SUSD4: variants seen among roughly 807,000 people sequenced by gnomAD.
SUSD4 encodes the protein sushi domain-containing protein 4.
A neutral mutation model predicts 50.5 loss-of-function variants in SUSD4; 41 were observed. The observed-to-expected ratio is 0.81, with a 90% CI of 0.63 to 1.05. The LOEUF (loss-of-function observed/expected upper bound fraction) is 1.05. Among genes scored for constraint, SUSD4 ranks in the 50% least tolerant of loss-of-function variants. SUSD4 has a pLI of 0.00. For missense variants in SUSD4, 580 were observed against 634.7 expected (o/e 0.91, Z 0.93); for synonymous variants, 257 against 257.3 (o/e 1.00, Z 0.01).
intron 2 of SUSD4, among the ~76,000 whole-genome samples, chr1:223,337,380 T>C (rs1296535238): frequency 6.6e-6 from 1 of 152,252 alleles, no homozygotes; most frequent in Non-Finnish European, 1.5e-5. Flanking sequence ...AATGAATGAA[T>C]GAACGGCACT....
intron 2 of SUSD4, among the ~76,000 whole-genome samples, chr1:223,298,294 T>C (rs937317674): frequency 6.6e-6 from 1 of 152,178 alleles, no homozygotes; most frequent in Non-Finnish European, 1.5e-5. Flanking sequence ...CCCAGGAGCT[T>C]ATGAATTCCA....
chr1:223,353,942 A>G (rs887137453), intron 2 of SUSD4, among the ~76,000 whole-genome samples: 3 of 151,958 alleles, frequency 2.0e-5, no homozygotes, highest in African/African-American at 4.8e-5. Flanking sequence ...GAGGCAGGAG[A>G]ATTGCTTGAG....
intron 2 of SUSD4, among the ~76,000 whole-genome samples, chr1:223,337,714 CACCG>C (rs1262122243): frequency 6.6e-6 from 1 of 152,214 alleles, no homozygotes; most frequent in Non-Finnish European, 1.5e-5. Context: ...ACTGCATAGT[CACCG>C]ACTACATGGT....
At chr1:223,254,653 T>A (rs1370847359) in intron 5 of SUSD4, among the ~76,000 whole-genome samples, 2 of 152,188 alleles carry the variant, frequency 1.3e-5, no homozygotes, top group African/African-American at 2.4e-5. Flanking sequence ...TTGGTTTTCT[T>A]AAGACAAAAA....
intron 2 of SUSD4, among the ~76,000 whole-genome samples, chr1:223,314,530 G>A (rs1411469210): frequency 6.6e-6 from 1 of 152,126 alleles, no homozygotes; most frequent in Non-Finnish European, 1.5e-5. Context: ...GATAGGGTTT[G>A]GCTGTGTCCC....
chr1:223,298,133 AATGG>A (rs1264568596), intron 2 of SUSD4, among the ~76,000 whole-genome samples: 8 of 150,950 alleles, frequency 5.3e-5, no homozygotes, highest in African/African-American at 2.0e-4. Context: ...TGGATGGATG[AATGG>A]ATGGATGGAT....
intron 5 of SUSD4, among the ~76,000 whole-genome samples, chr1:223,252,043 G>C (rs1054910446): frequency 7.5e-6 from 1 of 132,990 alleles, no homozygotes; most frequent in African/African-American, 2.9e-5. Context: ...CACAGGAAGG[G>C]GAACATCACA....
At position 223,325,801 on chromosome 1, in the gene SUSD4, T is replaced by C. The variant is rs1003330621; in HGVS notation, c.149-33150A>G. 5.3e-5 allele frequency among the ~76,000 whole-genome samples: 8 copies of C among 152,156 alleles called. No homozygotes were observed. In the East Asian group the frequency reaches 1.5e-3, roughly 29 times the overall value. ...TGCAAACAACAACAAAACCTAGAAATATACTTAACCAAGGAGGTGAAAGAT... is the reference window on the plus strand; with the variant it reads ...TGCAAACAACAACAAAACCTAGAAACATACTTAACCAAGGAGGTGAAAGAT... On this transcript the variant is annotated intron_variant, in intron 2 of 8. Coordinates refer to ENST00000366878, the MANE Select transcript of SUSD4 (RefSeq NM_017982.4).
chr1:223,321,294 G>C (rs184253877), intron 2 of SUSD4, among the ~76,000 whole-genome samples: 1 of 152,198 alleles, frequency 6.6e-6, no homozygotes, highest in East Asian at 1.9e-4. Flanking sequence ...ACCTGCATGC[G>C]ATCCTGACTC....
intron 5 of SUSD4, chr1:223,234,861 C>T: frequency 2.1e-6 from 3 of 1,438,696 alleles, no homozygotes; most frequent in South Asian, 3.4e-5. Context: ...TCCCTTGATG[C>T]ACTAACAGGT....
chr1:223,285,520 G>A (rs1392589877), intron 3 of SUSD4, among the ~76,000 whole-genome samples: 1 of 152,158 alleles, frequency 6.6e-6, no homozygotes, highest in Non-Finnish European at 1.5e-5. Flanking sequence ...TATGCACTAA[G>A]CCAATCAGAA....
intron 5 of SUSD4, among the ~76,000 whole-genome samples, chr1:223,243,711 G>C (rs1384591414): frequency 1.3e-5 from 2 of 152,224 alleles, no homozygotes; most frequent in African/African-American, 4.8e-5. Context: ...TCTGAGCTCA[G>C]GGAAGGGCAA....
intron 3 of SUSD4, among the ~76,000 whole-genome samples, chr1:223,281,765 G>T (rs1663751631): frequency 6.6e-6 from 1 of 152,120 alleles, no homozygotes; most frequent in African/African-American, 2.4e-5. Flanking sequence ...TGATACCAAA[G>T]CCTGGCAGAG....
At chr1:223,277,149 A>G (rs1663335409) in intron 3 of SUSD4, among the ~76,000 whole-genome samples, 3 of 152,226 alleles carry the variant, frequency 2.0e-5, no homozygotes, top group Non-Finnish European at 4.4e-5. Flanking sequence ...TAACGTAATA[A>G]TAATACTTAA....
chr1:223,281,448 T>C (rs180942328), intron 3 of SUSD4, among the ~76,000 whole-genome samples: 1 of 152,274 alleles, frequency 6.6e-6, no homozygotes, highest in Non-Finnish European at 1.5e-5. Context: ...CATCAGAGAA[T>C]ACTATAAACA....
At chr1:223,242,752 G>T (rs1021968331) in intron 5 of SUSD4, among the ~76,000 whole-genome samples, 12 of 152,246 alleles carry the variant, frequency 7.9e-5, no homozygotes, top group Non-Finnish European at 1.8e-4. Flanking sequence ...AGGGCTGTAT[G>T]AGCTAAGGGC....
At chr1:223,240,622 G>T (rs893145415) in intron 5 of SUSD4, among the ~76,000 whole-genome samples, 1 of 152,000 alleles carries the variant, frequency 6.6e-6, no homozygotes, top group African/African-American at 2.4e-5. Context: ...CAGTGTTTTT[G>T]ATATCTAGCA....
At chr1:223,288,417 T>C (rs1558217948) in intron 3 of SUSD4, among the ~76,000 whole-genome samples, 2 of 152,180 alleles carry the variant, frequency 1.3e-5, no homozygotes, top group African/African-American at 4.8e-5. Flanking sequence ...TCTCAGATAG[T>C]ATATTTATAG....
chr1:223,234,648 G>T (rs181868206), intron 5 of SUSD4, among the ~76,000 whole-genome samples: 12 of 152,156 alleles, frequency 7.9e-5, no homozygotes, highest in African/African-American at 2.9e-4. Context: ...ATTTTTCAGT[G>T]GGGGAAAAAA....
Sources: gnomAD v4.1 joint callset for allele counts (sites outside exome capture counted in the v4.1 genomes callset) on GRCh38, gnomAD v4.1.1 for gene constraint, MANE v1.5 for transcripts, NCBI Gene and HGNC (gene_info 2026-07-23, HGNC 2026-07-21) for gene names.